Variants in GNG12 observed in about 807,000 individuals in gnomAD.
GNG12 encodes the protein G protein subunit gamma 12, also known as guanine nucleotide-binding protein G(I)/G(S)/G(O) subunit gamma-12.
For synonymous variants in GNG12, 28 were observed against 29.7 expected (o/e 0.94, Z 0.19); for missense variants, 69 against 83.8 (o/e 0.82, Z 0.69).
At chr1:67,831,233 T>C (rs1444780466) in intron 1 of GNG12, among the ~76,000 whole-genome samples, 1 of 152,142 alleles carries the variant, frequency 6.6e-6, no homozygotes, top group African/African-American at 2.4e-5. Flanking sequence ...TAATTCTAAT[T>C]TTAAAAAAAA....
chr1:67,752,894 C>T (rs1050223828), intron 2 of GNG12, among the ~76,000 whole-genome samples: 1 of 152,166 alleles, frequency 6.6e-6, no homozygotes, highest in Non-Finnish European at 1.5e-5. Flanking sequence ...TGTGTCCTTA[C>T]AAAAATCTCA....
intron 2 of GNG12, among the ~76,000 whole-genome samples, chr1:67,770,014 G>C (rs1487037678): frequency 1.3e-5 from 2 of 152,188 alleles, no homozygotes; most frequent in Non-Finnish European, 2.9e-5. Context: ...ACCAGATGAA[G>C]GACCACTTTT....
intron 1 of GNG12, among the ~76,000 whole-genome samples, chr1:67,796,113 T>A (rs1386539729): frequency 6.6e-6 from 1 of 152,260 alleles, no homozygotes; most frequent in Non-Finnish European, 1.5e-5. Flanking sequence ...GCCTTCTATG[T>A]GCCTATGATG....
intron 2 of GNG12, among the ~76,000 whole-genome samples, chr1:67,740,544 T>C (rs150703871): frequency 6.4e-4 from 97 of 152,372 alleles, no homozygotes; most frequent in African/African-American, 2.3e-3. Context: ...CAGAACAAGT[T>C]TGCCAATCCC....
At chr1:67,784,802 C>G (rs145718202) in intron 1 of GNG12, among the ~76,000 whole-genome samples, 4 of 92,224 alleles carry the variant, frequency 4.3e-5, no homozygotes, top group African/African-American at 1.7e-4. Context: ...TAATGTGTCA[C>G]AGCTATATTT....
intron 1 of GNG12, among the ~76,000 whole-genome samples, chr1:67,783,196 A>G (rs17130277): frequency 0.016 from 2,499 of 152,320 alleles, 81 homozygotes; most frequent in African/African-American, 0.057. Flanking sequence ...ACACATAGAC[A>G]TAAGTGTTTC....
chr1:67,800,905 A>G (rs1190653631), intron 1 of GNG12, among the ~76,000 whole-genome samples: 1 of 152,150 alleles, frequency 6.6e-6, no homozygotes, highest in Non-Finnish European at 1.5e-5. Context: ...ACAGTTTTAA[A>G]AAGTATTTAA....
chr1:67,711,986 G>C, intron 2 of GNG12, among the ~76,000 whole-genome samples: 1 of 152,214 alleles, frequency 6.6e-6, no homozygotes, highest in Non-Finnish European at 1.5e-5. Flanking sequence ...TGCACAAAGA[G>C]GGCCACTGTG....
intron 2 of GNG12, among the ~76,000 whole-genome samples, chr1:67,731,552 A>C (rs1173385719): frequency 6.6e-6 from 1 of 152,210 alleles, no homozygotes; most frequent in Non-Finnish European, 1.5e-5. Flanking sequence ...GACAAAGGCA[A>C]GTGTTGTGAA....
chr1:67,763,120 A>AG (rs1553157312), intron 2 of GNG12, among the ~76,000 whole-genome samples: 9 of 151,268 alleles, frequency 5.9e-5, no homozygotes, highest in South Asian at 2.1e-4. Flanking sequence ...AGAGAGAGAG[A>AG]ATCAATATGA....
intron 2 of GNG12, among the ~76,000 whole-genome samples, chr1:67,732,103 T>C (rs1646423287): frequency 6.6e-6 from 1 of 152,238 alleles, no homozygotes. Context: ...GGTATTCCGT[T>C]CAGCCTTTAG....
rs1378825910 is a variant in GNG12, at chr1:67,816,052, T to G, written c.-77+17292A>C. 4.6e-5 allele frequency among the ~76,000 whole-genome samples: 7 copies of G among 152,316 alleles called. No individual in the cohort carries two copies. The South Asian group carries it at 1.0e-3, about 23-fold the overall frequency. On this transcript the variant is annotated intron_variant, in intron 1 of 3. Coordinates refer to ENST00000370982, the MANE Select transcript of GNG12 (RefSeq NM_018841.6). ...TCCTCAGCTGATCCTAACATGCACA[T>G]AAGTTTATGAACCGCTGCCCTGGTC...
chr1:67,732,706 C>A (rs1279858371), intron 2 of GNG12, among the ~76,000 whole-genome samples: 1 of 152,228 alleles, frequency 6.6e-6, no homozygotes, highest in Non-Finnish European at 1.5e-5. Context: ...TAAGAGGAAA[C>A]TGAGGCAAAA....
intron 2 of GNG12, among the ~76,000 whole-genome samples, chr1:67,709,936 TTATATATA>T (rs1304884686): frequency 0.012 from 196 of 16,950 alleles, 3 homozygotes; most frequent in Non-Finnish European, 0.014. Flanking sequence ...ATATATATAG[TTATATATA>T]TATAGTTATA....
At chr1:67,830,002 CTTTTTT>C in intron 1 of GNG12, among the ~76,000 whole-genome samples, 1 of 117,374 alleles carries the variant, frequency 8.5e-6, no homozygotes, top group East Asian at 2.5e-4. Context: ...AAGATGGAGG[CTTTTTT>C]TTTTTTTTTT....
intron 1 of GNG12, among the ~76,000 whole-genome samples, chr1:67,779,423 G>C (rs1376607395): frequency 6.6e-6 from 1 of 152,134 alleles, no homozygotes; most frequent in Non-Finnish European, 1.5e-5. Context: ...CTAGGTTTTA[G>C]GATCAAGGCC....
At chr1:67,749,099 G>A (rs1266675965) in intron 2 of GNG12, among the ~76,000 whole-genome samples, 1 of 152,154 alleles carries the variant, frequency 6.6e-6, no homozygotes, top group Non-Finnish European at 1.5e-5. Context: ...TAATGCAGGA[G>A]AATAAAGCAG....
Position 67,707,698 on chromosome 1 carries a change from GT to G in GNG12, c.-13del. On this transcript the variant is annotated 5_prime_UTR_variant, in exon 3 of 4. Coordinates refer to ENST00000370982, the MANE Select transcript of GNG12 (RefSeq NM_018841.6). Reference sequence around the variant, plus strand: ...GTTTTGCTGGACATCTTCAATTATTGTTTTTACCTGAAATCTGAGGAGAATT... The same window carrying G: ...GTTTTGCTGGACATCTTCAATTATTGTTTTACCTGAAATCTGAGGAGAATT... 1 of 1,572,812 alleles carries G rather than the reference GT, an allele frequency of 6.4e-7. No homozygotes were observed. Among genetic ancestry groups the G allele is most frequent in the Non-Finnish European group, 8.6e-7 (1 of 1,160,604 alleles).
At chr1:67,802,020 G>A (rs944674025) in intron 1 of GNG12, among the ~76,000 whole-genome samples, 1 of 152,116 alleles carries the variant, frequency 6.6e-6, no homozygotes, top group Non-Finnish European at 1.5e-5. Context: ...GGAAATATCT[G>A]TGGAATGCCT....
Sources: gnomAD v4.1 joint callset for allele counts (sites outside exome capture counted in the v4.1 genomes callset) on GRCh38, gnomAD v4.1.1 for gene constraint, MANE v1.5 for transcripts, NCBI Gene and HGNC (gene_info 2026-07-23, HGNC 2026-07-21) for gene names.